SNRPA1: variants seen among roughly 807,000 people sequenced by gnomAD.
The protein encoded by SNRPA1 is small nuclear ribonucleoprotein polypeptide A'.
In SNRPA1, 5 loss-of-function variants were observed where a neutral mutation model predicts 32.3. The ratio of observed to expected loss-of-function variants is 0.15; its 90% CI spans 0.08 to 0.33. SNRPA1 has a LOEUF of 0.33. Ranked by LOEUF, SNRPA1 falls within the 10% of genes least tolerant of loss-of-function variation. The pLI is 1.00. For missense variants in SNRPA1, 198 were observed against 311.1 expected, an observed-to-expected ratio of 0.64 and a Z score of 2.74; for synonymous variants, 111 against 120.1, an observed-to-expected ratio of 0.92 and a Z score of 0.50.
intron 8 of SNRPA1, chr15:101,284,627 C>T (rs772837080): frequency 2.4e-4 from 43 of 179,852 alleles, no homozygotes; most frequent in Admixed American, 3.9e-4. Context: ...CTCAGCCTCC[C>T]GAGTAGCTGG....
At chr15:101,289,200 C>T (rs1407488991) in intron 3 of SNRPA1, among the ~76,000 whole-genome samples, 6 of 152,066 alleles carry the variant, frequency 3.9e-5, no homozygotes, top group South Asian at 2.1e-4. Flanking sequence ...CAGTGTAAAA[C>T]GTAATGGCGA....
At chr15:101,284,395 T>C (rs1049401591) in intron 8 of SNRPA1, among the ~76,000 whole-genome samples, 1 of 152,152 alleles carries the variant, frequency 6.6e-6, no homozygotes, top group African/African-American at 2.4e-5. Context: ...TAGGTAAAAG[T>C]CCACATGGCT....
chr15:101,292,407 G>A (rs1232467564), intron 2 of SNRPA1, among the ~76,000 whole-genome samples: 1 of 152,164 alleles, frequency 6.6e-6, no homozygotes, highest in East Asian at 1.9e-4. Context: ...TACTATAGGG[G>A]AATGGTTAAC....
At chr15:101,287,334 C>G (rs1439375925) in intron 4 of SNRPA1, among the ~76,000 whole-genome samples, 1 of 152,124 alleles carries the variant, frequency 6.6e-6, no homozygotes, top group African/African-American at 2.4e-5. Context: ...TCCCTCCCCC[C>G]TTTCCCCACC....
At chr15:101,286,630 G>A (rs1005631235) in intron 5 of SNRPA1, 2 of 456,968 alleles carry the variant, frequency 4.4e-6, no homozygotes, top group Admixed American at 4.0e-5. Flanking sequence ...CGCTGGGAAC[G>A]TATCTAGGCA....
chr15:101,290,788 C>A (rs2039516489), intron 3 of SNRPA1, among the ~76,000 whole-genome samples: 1 of 146,052 alleles, frequency 6.8e-6, no homozygotes, highest in Non-Finnish European at 1.5e-5. Context: ...TTTGCCCAGG[C>A]TGGAGTGCAG....
At position 101,281,887 on chromosome 15, in the gene SNRPA1, G is replaced by A. The variant is rs1480898375; in HGVS notation, c.710-105C>T. ...CCACTGTTTGTTACACACTGAAGTAGGTACAAAAAGATCAAAAGCAGCACC... is the reference window on the plus strand; with the variant it reads ...CCACTGTTTGTTACACACTGAAGTAAGTACAAAAAGATCAAAAGCAGCACC... On this transcript the variant is annotated intron_variant, in intron 8 of 8. Coordinates refer to ENST00000254193, the MANE Select transcript of SNRPA1 (RefSeq NM_003090.4). The A allele has an allele frequency of 3.8e-6, 4 of 1,058,206 alleles. No homozygotes were observed. In the Admixed American group the frequency reaches 7.6e-5, roughly 20 times the overall value. The allele number at this position is 1,058,206 out of a possible 1,614,324, so 65.6% of individuals were successfully genotyped here.
rs2039462406 is a variant in SNRPA1, at chr15:101,287,020, A to G, written c.357-10T>C. The G allele has an allele frequency of 2.0e-6, 3 of 1,476,298 alleles. No individual in the cohort carries two copies. Among genetic ancestry groups the G allele is most frequent in the African/African-American group, 2.8e-5 (2 of 72,418 alleles). 91.4% of individuals were successfully genotyped at this position (1,476,298 alleles called of 1,614,324 possible). A position where few individuals can be genotyped will look rare whatever the true frequency, so the allele number is the denominator to read the frequency against. ...CGGATTTCTTAGGATACTACAAGAA[A>G]AGGAATGACACAATGGCAAACTTGT... On this transcript the variant is annotated splice_polypyrimidine_tract_variant and intron_variant, in intron 4 of 8. Coordinates refer to ENST00000254193, the MANE Select transcript of SNRPA1 (RefSeq NM_003090.4).
At chr15:101,292,434 T>C (rs2039536533) in intron 2 of SNRPA1, among the ~76,000 whole-genome samples, 3 of 152,220 alleles carry the variant, frequency 2.0e-5, no homozygotes, top group African/African-American at 4.8e-5. Context: ...GAAATATTTC[T>C]ATCTGAAGGA....
At chr15:101,285,935 T>C (rs1238999557) in intron 6 of SNRPA1, 134 bp from the exon 7 acceptor site, 1 of 682,046 alleles carries the variant, frequency 1.5e-6, no homozygotes, top group Admixed American at 2.6e-5. Flanking sequence ...ACAAGAACTC[T>C]CTCCTTCAGA....
At chr15:101,284,653 C>T (rs574335971) in intron 8 of SNRPA1, 35 of 227,226 alleles carry the variant, frequency 1.5e-4, no homozygotes, top group African/African-American at 6.9e-4. Flanking sequence ...CAGGCGCGCA[C>T]CACCACCCCC....
intron 3 of SNRPA1, among the ~76,000 whole-genome samples, chr15:101,289,035 A>C (rs2039489564): frequency 6.6e-6 from 1 of 152,212 alleles, no homozygotes; most frequent in Admixed American, 6.5e-5. Context: ...AAAAACAGGG[A>C]GAGCAGAGCC....
At chr15:101,284,010 C>G (rs540933488) in intron 8 of SNRPA1, among the ~76,000 whole-genome samples, 2 of 152,362 alleles carry the variant, frequency 1.3e-5, no homozygotes, top group African/African-American at 2.4e-5. Context: ...GAAACTTCCC[C>G]AAGACGGCAG....
At chr15:101,288,068 AG>A (rs1232871273) in intron 3 of SNRPA1, 2 of 229,550 alleles carry the variant, frequency 8.7e-6, no homozygotes, top group African/African-American at 4.5e-5. Flanking sequence ...TCTTGGTGTA[AG>A]TGGGCTTTCC....
At chr15:101,286,374 C>T (rs2039454728) in intron 5 of SNRPA1, 81 bp from the exon 6 acceptor site, 20 of 1,275,994 alleles carry the variant, frequency 1.6e-5, no homozygotes, top group African/African-American at 4.4e-5. Context: ...GACATGGAAG[C>T]GAACTCTCCT....
intron 7 of SNRPA1, among the ~76,000 whole-genome samples, 163 bp downstream of exon 7, chr15:101,285,563 A>G (rs2039445695): frequency 6.6e-6 from 1 of 152,244 alleles, no homozygotes; most frequent in African/African-American, 2.4e-5. Flanking sequence ...AGTCTGATCA[A>G]ATAATAACTT....
Position 101,293,093 on chromosome 15 carries a change from G to T in SNRPA1, c.162C>A (p.Ile54=), listed in dbSNP as rs887175077. ...FDAIDFSDNE[I]RKLDGFPLLR... is the part of the protein sequence containing the mutation. ...ACAAAGGAAAACCATCCAGTTTCCTGATCTCATTGTCAGAAAAATCAATAG... is the reference window on the plus strand; with the variant it reads ...ACAAAGGAAAACCATCCAGTTTCCTTATCTCATTGTCAGAAAAATCAATAG... The change falls in exon 2 of 9, where the codon ATC becomes ATA. Residue 54 remains isoleucine (I), a synonymous_variant. Coordinates refer to ENST00000254193, the MANE Select transcript of SNRPA1 (RefSeq NM_003090.4). The T allele has an allele frequency of 9.9e-6, 16 of 1,611,872 alleles. No homozygotes were observed. Among genetic ancestry groups the T allele is most frequent in the Non-Finnish European group, 1.4e-5 (16 of 1,178,348 alleles).
intron 5 of SNRPA1, chr15:101,286,671 G>A (rs1474797817): frequency 1.2e-5 from 6 of 485,348 alleles, no homozygotes; most frequent in African/African-American, 7.8e-5. Context: ...GCTCACCGTG[G>A]CCTCAGCACT....
At chr15:101,286,861 AAACACAC>A (rs770003932) in intron 5 of SNRPA1, 40 bp downstream of exon 5, 3 of 958,934 alleles carry the variant, frequency 3.1e-6, no homozygotes, top group Non-Finnish European at 4.8e-6. Flanking sequence ...ATATAAAGAA[AAACACAC>A]AACTCTATAA....
Sources: allele counts gnomAD v4.1 joint callset (sites outside exome capture counted in the v4.1 genomes callset), GRCh38; gene constraint gnomAD v4.1.1; transcripts MANE v1.5; gene names NCBI Gene and HGNC (gene_info 2026-07-23, HGNC 2026-07-21).